LRRC4C: variants seen among roughly 807,000 people sequenced by gnomAD.
The protein encoded by LRRC4C is leucine rich repeat containing 4C.
Under a neutral mutation model 33.6 loss-of-function variants are expected in LRRC4C, and 5 were observed. The observed-to-expected ratio is 0.15, with a 90% CI of 0.08 to 0.31. The LOEUF (loss-of-function observed/expected upper bound fraction) is 0.31, where lower values mean the gene tolerates loss of function less well. LRRC4C is among the 10% of genes least tolerant of loss of function. LRRC4C has a pLI of 1.00. For synonymous variants in LRRC4C, 329 were observed against 302.0 expected, an observed-to-expected ratio of 1.09 and a Z score of -0.93; for missense variants, 560 against 796.7, an observed-to-expected ratio of 0.70 and a Z score of 3.58.
At position 40,340,920 on chromosome 11, in the gene LRRC4C, G is replaced by A. The variant is rs554106515; in HGVS notation, c.-269-21199C>T. 4.5e-4 allele frequency among the ~76,000 whole-genome samples: 69 copies of A among 152,242 alleles called. 1 individual carries two copies. The South Asian group carries it at 0.013, about 29-fold the overall frequency. On this transcript the variant is annotated intron_variant, in intron 3 of 6. Coordinates refer to ENST00000528697, the MANE Select transcript of LRRC4C (RefSeq NM_001258419.2). Reference sequence around the variant, plus strand: ...TATCTACCATGGGTGAAGGTTTGAAGGTCAGCATTCTACCAGTAATCTCGA... The same window carrying A: ...TATCTACCATGGGTGAAGGTTTGAAAGTCAGCATTCTACCAGTAATCTCGA...
At chr11:40,788,846 A>C (rs1950516973) in intron 2 of LRRC4C, among the ~76,000 whole-genome samples, 1 of 152,122 alleles carries the variant, frequency 6.6e-6, no homozygotes, top group Non-Finnish European at 1.5e-5. Flanking sequence ...TAATCCCAGC[A>C]CTATGGGAGG....
intron 3 of LRRC4C, among the ~76,000 whole-genome samples, chr11:40,409,713 A>G (rs1450163826): frequency 6.6e-6 from 1 of 152,060 alleles, no homozygotes; most frequent in East Asian, 1.9e-4. Context: ...AATGGCCAAC[A>G]TAAAAAAGAT....
chr11:41,244,162 G>C (rs1439016512), intron 1 of LRRC4C, among the ~76,000 whole-genome samples: 1 of 140,264 alleles, frequency 7.1e-6, no homozygotes, highest in Non-Finnish European at 1.6e-5. Flanking sequence ...TTAGTTTCAA[G>C]AAAGTTTTCT....
intron 3 of LRRC4C, among the ~76,000 whole-genome samples, chr11:40,402,169 C>T (rs1057302618): frequency 6.6e-6 from 1 of 152,104 alleles, no homozygotes; most frequent in South Asian, 2.1e-4. Flanking sequence ...TCTTATTTTT[C>T]AGGACCTCAG....
chr11:40,223,520 C>T (rs1864566572), intron 5 of LRRC4C, among the ~76,000 whole-genome samples: 1 of 152,220 alleles, frequency 6.6e-6, no homozygotes, highest in Admixed American at 6.5e-5. Flanking sequence ...GAAACTCCCA[C>T]TTAACAGAGG....
intron 1 of LRRC4C, among the ~76,000 whole-genome samples, chr11:41,191,042 C>T (rs897018754): frequency 5.3e-5 from 8 of 152,124 alleles, no homozygotes; most frequent in African/African-American, 1.9e-4. Flanking sequence ...TAACCCCTCC[C>T]TGGCCTCTTT....
intron 1 of LRRC4C, among the ~76,000 whole-genome samples, chr11:41,395,995 C>A (rs889448663): frequency 6.6e-6 from 1 of 152,012 alleles, no homozygotes; most frequent in Admixed American, 6.6e-5. Context: ...GCTTTGAATG[C>A]GGCCCAACAC....
At chr11:41,439,812 G>T (rs963578293) in intron 1 of LRRC4C, among the ~76,000 whole-genome samples, 1 of 152,142 alleles carries the variant, frequency 6.6e-6, no homozygotes, top group Non-Finnish European at 1.5e-5. Flanking sequence ...AAGGAATAGG[G>T]TTTTGATGGC....
chr11:41,416,931 A>G (rs61877333), intron 1 of LRRC4C, among the ~76,000 whole-genome samples: 2,425 of 152,096 alleles, frequency 0.016, 34 homozygotes, highest in Non-Finnish European at 0.021. Flanking sequence ...GAGCCAAACT[A>G]AAGAGTTTCC....
chr11:40,703,315 A>C (rs990832308), intron 2 of LRRC4C, among the ~76,000 whole-genome samples: 9 of 152,212 alleles, frequency 5.9e-5, no homozygotes, highest in African/African-American at 2.2e-4. Context: ...AATTCAAAGA[A>C]ATGGTCAAGT....
Position 41,442,765 on chromosome 11 carries a change from G to A in LRRC4C, c.-496+16666C>T, listed in dbSNP as rs185080724. ...ATTACAGGCGTGAGCCACCGCGCCC[G>A]GCCTGTTGCTTCTTTCTTGCTATAA... On this transcript the variant is annotated intron_variant, in intron 1 of 6. Transcript: ENST00000528697. 5.7e-3 allele frequency among the ~76,000 whole-genome samples: 864 copies of A among 151,938 alleles called. 10 individuals carry two copies. The highest frequency in any genetic ancestry group is 0.02 in the African/African-American group (830 of 41,440).
chr11:40,578,282 G>A (rs1004685458), intron 3 of LRRC4C, among the ~76,000 whole-genome samples: 3 of 149,656 alleles, frequency 2.0e-5, no homozygotes, highest in Non-Finnish European at 4.4e-5. Context: ...GCCCTAACAC[G>A]CAGGGAAAAC....
At chr11:40,450,293 G>T (rs1951825166) in intron 3 of LRRC4C, among the ~76,000 whole-genome samples, 1 of 152,132 alleles carries the variant, frequency 6.6e-6, no homozygotes, top group African/African-American at 2.4e-5. Flanking sequence ...AACATATTTT[G>T]TGTTTATGTG....
At chr11:40,499,876 G>A (rs563990809) in intron 3 of LRRC4C, among the ~76,000 whole-genome samples, 37 of 152,118 alleles carry the variant, frequency 2.4e-4, no homozygotes, top group African/African-American at 7.5e-4. Flanking sequence ...CAATAACATC[G>A]TCATGGGAGA....
chr11:40,586,065 G>T (rs1477822755), intron 3 of LRRC4C, among the ~76,000 whole-genome samples: 1 of 138,672 alleles, frequency 7.2e-6, no homozygotes, highest in African/African-American at 2.8e-5. Flanking sequence ...TTCCACAATG[G>T]TTGAACTAGT....
chr11:41,254,803 T>C (rs752345856), intron 1 of LRRC4C, among the ~76,000 whole-genome samples: 67 of 152,144 alleles, frequency 4.4e-4, no homozygotes, highest in Non-Finnish European at 6.8e-4. Flanking sequence ...CAAAGCTTTT[T>C]AATTTAAAAT....
At chr11:40,425,903 C>A (rs1227972590) in intron 3 of LRRC4C, among the ~76,000 whole-genome samples, 2 of 152,256 alleles carry the variant, frequency 1.3e-5, no homozygotes, top group African/African-American at 2.4e-5. Context: ...TCTGCTCATA[C>A]TTCCACTTGT....
At chr11:40,969,874 C>T (rs1851605290) in intron 1 of LRRC4C, among the ~76,000 whole-genome samples, 1 of 152,128 alleles carries the variant, frequency 6.6e-6, no homozygotes, top group Non-Finnish European at 1.5e-5. Context: ...GTTGAACAGA[C>T]ATTATCCCCT....
chr11:40,811,683 A>G (rs1224515672), intron 2 of LRRC4C, among the ~76,000 whole-genome samples: 5 of 152,082 alleles, frequency 3.3e-5, no homozygotes, highest in Non-Finnish European at 5.9e-5. Context: ...ATTTTAGTAG[A>G]GAAGGGTTTC....
Sources: gnomAD v4.1 joint callset for allele counts (sites outside exome capture counted in the v4.1 genomes callset) on GRCh38, gnomAD v4.1.1 for gene constraint, MANE v1.5 for transcripts, NCBI Gene and HGNC (gene_info 2026-07-23, HGNC 2026-07-21) for gene names.